The following COL23A1 variants were observed in gnomAD, a reference collection of about 807,000 sequenced individuals.
COL23A1 encodes the protein collagen alpha-1(XXIII) chain.
In COL23A1, 97 loss-of-function variants were observed where a neutral mutation model predicts 99.3. The ratio of observed to expected loss-of-function variants is 0.98; its 90% CI spans 0.83 to 1.16. The LOEUF is 1.16. Among genes scored for constraint, COL23A1 ranks in the 50% most tolerant of loss-of-function variants. The probability of loss-of-function intolerance (pLI) is 0.00; values close to 1 mark genes in which losing one functional copy is unlikely to be tolerated. For synonymous variants in COL23A1, 320 were observed against 308.2 expected, an observed-to-expected ratio of 1.04 and a Z score of -0.40; for missense variants, 762 against 757.4, an observed-to-expected ratio of 1.01 and a Z score of -0.07.
intron 2 of COL23A1, among the ~76,000 whole-genome samples, chr5:178,498,258 A>T (rs1758335489): frequency 7.8e-6 from 1 of 128,510 alleles, no homozygotes; most frequent in Non-Finnish European, 1.7e-5. Context: ...ATATATATAT[A>T]AAAGAACTTA....
rs60565836 is a variant in COL23A1, at chr5:178,559,080, G to A, written c.361+1602C>T. On this transcript the variant is annotated intron_variant, in intron 2 of 28. Coordinates refer to ENST00000390654, the MANE Select transcript of COL23A1 (RefSeq NM_173465.4). The stretch of plus-strand genomic sequence containing the variant: ...GCTGGGATTACAGGCGTGGGCCACC[G>A]CGCCCGGCCACAGTTTCTGACTTCT... 9.5e-3 allele frequency among the ~76,000 whole-genome samples: 1,441 copies of A among 152,262 alleles called. 23 individuals are homozygous for A. Among genetic ancestry groups the A allele is most frequent in the African/African-American group, 0.033 (1,365 of 41,546 alleles).
intron 2 of COL23A1, chr5:178,345,318 C>T (rs1262817267): frequency 5.0e-6 from 3 of 597,636 alleles, no homozygotes; most frequent in Non-Finnish European, 9.0e-6. Flanking sequence ...TGGAGCAATT[C>T]GGAAGAGAAA....
Position 178,434,444 on chromosome 5 carries a change from T to C in COL23A1, c.361+126238A>G, listed in dbSNP as rs555456201. Among the ~76,000 whole-genome samples, 21 of 152,350 alleles carry C rather than the reference T, an allele frequency of 1.4e-4. No individual in the cohort carries two copies. Among genetic ancestry groups the C allele is most frequent in the African/African-American group, 4.6e-4 (19 of 41,580 alleles). ...CCAGGACTTGGACATTGGGCGGCTG[T>C]GTGACAGGCATGGACTCTCACATGT... On this transcript the variant is annotated intron_variant, in intron 2 of 28. Coordinates refer to ENST00000390654, the MANE Select transcript of COL23A1 (RefSeq NM_173465.4). The surrounding 1 kb of genome is among the most constrained non-coding windows in gnomAD (Gnocchi z 4.3).
intron 2 of COL23A1, among the ~76,000 whole-genome samples, chr5:178,423,549 G>C (rs1240571982): frequency 3.9e-5 from 6 of 152,138 alleles, no homozygotes; most frequent in Non-Finnish European, 8.8e-5. Flanking sequence ...ATAGGTTAGG[G>C]GCAGTAAATG....
intron 9 of COL23A1, 50 bp from the exon 10 acceptor site, chr5:178,262,302 A>G: frequency 6.5e-7 from 1 of 1,547,250 alleles, no homozygotes. Flanking sequence ...TGTCACATTG[A>G]ACTGAGCCCA....
chr5:178,259,264 G>A lies in COL23A1; in HGVS notation c.729+457C>T, dbSNP rs190082085. ...GCTGAGACCTGAATGAGGTGAAGGAGGAGGCTGGCCCAGGAGAAGAGGCCG... is the reference window on the plus strand; with the variant it reads ...GCTGAGACCTGAATGAGGTGAAGGAAGAGGCTGGCCCAGGAGAAGAGGCCG... On this transcript the variant is annotated intron_variant, in intron 12 of 28. Transcript: ENST00000390654. 1.3e-3 allele frequency among the ~76,000 whole-genome samples: 196 copies of A among 152,230 alleles called. 1 individual carries two copies. Among genetic ancestry groups the A allele is most frequent in the Admixed American group, 2.3e-3 (35 of 15,292 alleles).
At chr5:178,288,501 G>A in intron 4 of COL23A1, 151 bp from the exon 5 acceptor site, 1 of 749,694 alleles carries the variant, frequency 1.3e-6, no homozygotes, top group East Asian at 2.5e-5. Context: ...GGCTCCAGGG[G>A]TCTTGGGGGC....
Position 178,589,862 on chromosome 5 carries a change from G to T in COL23A1, c.294+42C>A. On this transcript the variant is annotated intron_variant, in intron 1 of 28. Coordinates refer to ENST00000390654, the MANE Select transcript of COL23A1 (RefSeq NM_173465.4). This position sits in a 1 kb window ranked among gnomAD's most constrained non-coding sequence, Gnocchi z 5.4. ...CCCAGCGTACCGCCACCCTCAACCC[G>T]ACACACCCAAGTCCGCCCCAGCCAC... The T allele has an allele frequency of 7.9e-7, 1 of 1,266,582 alleles. No homozygotes were observed. The highest frequency in any genetic ancestry group is 2.7e-5 in the South Asian group (1 of 37,426). The allele number at this position is 1,266,582 out of a possible 1,614,324, so 78.5% of individuals were successfully genotyped here.
At chr5:178,252,040 A>C (rs1044508410) in intron 17 of COL23A1, among the ~76,000 whole-genome samples, 18 of 151,782 alleles carry the variant, frequency 1.2e-4, no homozygotes, top group Admixed American at 6.6e-4. Flanking sequence ...CAGCCTCTCA[A>C]GTAGCTGGGA....
chr5:178,288,262 G>A, intron 5 of COL23A1, 62 bp downstream of exon 5: 2 of 1,348,870 alleles, frequency 1.5e-6, no homozygotes, highest in South Asian at 1.2e-5. Context: ...TCAAGGCTCA[G>A]GGAAAGAATA....
intron 25 of COL23A1, among the ~76,000 whole-genome samples, chr5:178,243,235 C>T (rs1038967734): frequency 9.9e-5 from 15 of 151,300 alleles, no homozygotes; most frequent in Non-Finnish European, 2.2e-4. Context: ...CGCCTGTAAT[C>T]CTAGCACTTT....
intron 2 of COL23A1, among the ~76,000 whole-genome samples, chr5:178,491,122 G>A (rs950147857): frequency 7.9e-5 from 12 of 151,260 alleles, no homozygotes; most frequent in Admixed American, 1.3e-4. Context: ...GAGGAGACAC[G>A]GAGGAGAGGA....
intron 2 of COL23A1, among the ~76,000 whole-genome samples, chr5:178,337,019 C>A (rs899086206): frequency 2.6e-5 from 4 of 152,182 alleles, no homozygotes; most frequent in Admixed American, 2.6e-4. Flanking sequence ...CTCAGAGCGG[C>A]GGAAACAGGG....
intron 2 of COL23A1, among the ~76,000 whole-genome samples, chr5:178,451,000 A>G (rs1767457228): frequency 6.6e-6 from 1 of 152,248 alleles, no homozygotes; most frequent in Admixed American, 6.5e-5. Context: ...GTTAATTCTC[A>G]GCACAAATAG....
At chr5:178,553,525 T>C (rs902580548) in intron 2 of COL23A1, among the ~76,000 whole-genome samples, 2 of 152,220 alleles carry the variant, frequency 1.3e-5, no homozygotes, top group Non-Finnish European at 2.9e-5. Context: ...GCACAATGTC[T>C]CTGCAATATT....
intron 2 of COL23A1, among the ~76,000 whole-genome samples, chr5:178,386,929 A>G (rs1763708125): frequency 6.6e-6 from 1 of 152,120 alleles, no homozygotes; most frequent in South Asian, 2.1e-4. Flanking sequence ...GCCCAGTATC[A>G]TCAGACATTT....
intron 18 of COL23A1, among the ~76,000 whole-genome samples, chr5:178,249,716 A>ACACACACACACACACACACACT: frequency 1.1e-5 from 1 of 92,752 alleles, no homozygotes; most frequent in African/African-American, 4.3e-5. Context: ...ACACACACAC[A>ACACACACACACACACACACACT]CTCTCTCTCT....
chr5:178,268,742 C>T lies in COL23A1; in HGVS notation c.483G>A (p.Pro161=), dbSNP rs573120261. 40 of 1,603,668 alleles carry T rather than the reference C, an allele frequency of 2.5e-5. No individual in the cohort carries two copies. Among genetic ancestry groups the T allele is most frequent in the Admixed American group, 6.8e-5 (4 of 59,200 alleles). Residue 161 remains proline (P), a synonymous_variant, in exon 7 of 29, where the codon CCG becomes CCA. Coordinates refer to ENST00000390654, the MANE Select transcript of COL23A1 (RefSeq NM_173465.4). ...GLDGKPGLPG[P]KGEKGAPGDF... The stretch of plus-strand genomic sequence containing the variant: ...TGGCATCACTTACCTTTTCCCCTTT[C>T]GGGCCTGGAAGTCCCTGGAAAAGGA...
At chr5:178,358,713 GTGTGTA>G (rs1333009298) in intron 2 of COL23A1, among the ~76,000 whole-genome samples, 5 of 145,278 alleles carry the variant, frequency 3.4e-5, no homozygotes, top group East Asian at 2.0e-4. Context: ...ATGTGTGTAT[GTGTGTA>G]TGTGTATGTG....
Sources: allele counts gnomAD v4.1 joint callset (sites outside exome capture counted in the v4.1 genomes callset), GRCh38; gene constraint gnomAD v4.1.1; non-coding constraint Gnocchi (gnomAD v3.1); transcripts MANE v1.5; gene names NCBI Gene and HGNC (gene_info 2026-07-23, HGNC 2026-07-21).